Variants in ASIC2 observed in about 807,000 individuals in gnomAD.
The protein encoded by ASIC2 is acid-sensing ion channel 2.
ASIC2 carries 25 observed loss-of-function variants against 57.3 expected under a neutral mutation model. The observed-to-expected ratio is 0.44, with a 90% CI of 0.32 to 0.61. The LOEUF is 0.61. Ranked by LOEUF, ASIC2 falls within the 20% of genes least tolerant of loss-of-function variation. The pLI is 0.06. For missense variants in ASIC2, 641 were observed against 738.1 expected, an observed-to-expected ratio of 0.87 and a Z score of 1.52; for synonymous variants, 319 against 307.5, an observed-to-expected ratio of 1.04 and a Z score of -0.39.
At chr17:33,562,606 G>A (rs1420484265) in intron 1 of ASIC2, among the ~76,000 whole-genome samples, 1 of 152,206 alleles carries the variant, frequency 6.6e-6, no homozygotes, top group Admixed American at 6.5e-5. Context: ...AGTCTTGCCT[G>A]ATAAGGGAAG....
chr17:33,612,038 A>G (rs1439530919), intron 1 of ASIC2, among the ~76,000 whole-genome samples: 2 of 152,196 alleles, frequency 1.3e-5, no homozygotes, highest in Non-Finnish European at 2.9e-5. Flanking sequence ...CCACGTCTGA[A>G]GGAAGAAGAC....
At chr17:33,657,519 G>A (rs1432851652) in intron 1 of ASIC2, among the ~76,000 whole-genome samples, 2 of 152,128 alleles carry the variant, frequency 1.3e-5, no homozygotes, top group African/African-American at 4.8e-5. Context: ...TCCTGAGCCA[G>A]CTTCTTCCTC....
chr17:33,584,872 G>A (rs1307471881), intron 1 of ASIC2, among the ~76,000 whole-genome samples: 2 of 152,108 alleles, frequency 1.3e-5, no homozygotes, highest in Non-Finnish European at 2.9e-5. Context: ...GAGAGACACC[G>A]ATGGCCTAAA....
intron 1 of ASIC2, among the ~76,000 whole-genome samples, chr17:33,663,448 CG>C (rs979305983): frequency 1.6e-4 from 22 of 137,176 alleles, no homozygotes; most frequent in African/African-American, 6.9e-4. Context: ...CTAATGCCGT[CG>C]TTTTTTTTTT....
chr17:33,439,041 G>A (rs1457443637), intron 1 of ASIC2, among the ~76,000 whole-genome samples: 2 of 152,106 alleles, frequency 1.3e-5, no homozygotes, highest in Admixed American at 6.5e-5. Context: ...AAGAGGTCTC[G>A]CTATGTTGCC....
chr17:33,069,500 C>T (rs1372257175), intron 3 of ASIC2, among the ~76,000 whole-genome samples: 1 of 151,916 alleles, frequency 6.6e-6, no homozygotes, highest in Non-Finnish European at 1.5e-5. Flanking sequence ...TTTTTGCTTT[C>T]TGTATTTTGA....
At chr17:34,045,582 C>T (rs1024972859) in intron 1 of ASIC2, among the ~76,000 whole-genome samples, 1 of 152,178 alleles carries the variant, frequency 6.6e-6, no homozygotes, top group African/African-American at 2.4e-5. Flanking sequence ...GTCTATATGA[C>T]TTTCGGCAAG....
chr17:33,107,524 T>G (rs188895972), intron 2 of ASIC2, among the ~76,000 whole-genome samples: 273 of 152,320 alleles, frequency 1.8e-3, no homozygotes, highest in Non-Finnish European at 3.4e-3. Context: ...TAGGACCACA[T>G]GCAACTGAAC....
intron 1 of ASIC2, among the ~76,000 whole-genome samples, chr17:33,142,350 G>A (rs1459122059): frequency 6.6e-6 from 1 of 152,208 alleles, no homozygotes; most frequent in Non-Finnish European, 1.5e-5. Flanking sequence ...TGTGATAAAA[G>A]AGGTAGTAGA....
At chr17:33,399,296 C>A (rs1910195126) in intron 1 of ASIC2, among the ~76,000 whole-genome samples, 1 of 152,214 alleles carries the variant, frequency 6.6e-6, no homozygotes, top group South Asian at 2.1e-4. Flanking sequence ...AACAAAGGAT[C>A]TCTGACAACC....
chr17:33,285,257 A>G (rs1023352279), intron 1 of ASIC2, among the ~76,000 whole-genome samples: 1 of 152,210 alleles, frequency 6.6e-6, no homozygotes, highest in African/African-American at 2.4e-5. Context: ...TGCAGACCTG[A>G]GTGGAGTTTA....
intron 1 of ASIC2, among the ~76,000 whole-genome samples, chr17:33,906,525 T>C (rs999532105): frequency 1.3e-5 from 2 of 152,202 alleles, no homozygotes; most frequent in African/African-American, 4.8e-5. Context: ...CCTTCACTTA[T>C]GAGAAACCAG....
At chr17:33,996,076 T>C (rs1488088932) in intron 1 of ASIC2, among the ~76,000 whole-genome samples, 2 of 152,198 alleles carry the variant, frequency 1.3e-5, no homozygotes, top group Admixed American at 6.5e-5. Context: ...TTGTGGTTTT[T>C]ATTTGCATTT....
intron 1 of ASIC2, among the ~76,000 whole-genome samples, chr17:33,219,783 G>A (rs1304564156): frequency 6.6e-6 from 1 of 152,182 alleles, no homozygotes; most frequent in African/African-American, 2.4e-5. Flanking sequence ...AGGGCCCTGG[G>A]TTGTCTATGT....
chr17:33,593,537 G>C lies in ASIC2; in HGVS notation c.556-481470C>G, dbSNP rs1567663614. 2.0e-5 allele frequency among the ~76,000 whole-genome samples: 3 copies of C among 152,206 alleles called. No homozygotes were observed. In the South Asian group the frequency reaches 6.2e-4, roughly 31 times the overall value. The stretch of plus-strand genomic sequence containing the variant: ...CTAGAAAGCTCAGGTTGCAATCTCA[G>C]CTTTGCCTCTTGGTCAGGTTTTCTC... On this transcript the variant is annotated intron_variant, in intron 1 of 9. Coordinates refer to the ASIC2 transcript ENST00000359872.
chr17:33,659,111 C>G (rs1410229994), intron 1 of ASIC2, among the ~76,000 whole-genome samples: 2 of 152,244 alleles, frequency 1.3e-5, no homozygotes, highest in South Asian at 4.1e-4. Context: ...ACTCAGACCA[C>G]AGCAGCACGC....
intron 1 of ASIC2, among the ~76,000 whole-genome samples, chr17:33,261,335 T>A (rs755364035): frequency 5.3e-5 from 8 of 152,162 alleles, no homozygotes; most frequent in Non-Finnish European, 1.2e-4. Flanking sequence ...CCTCCTGTTG[T>A]TTGTGGATTA....
At chr17:33,988,628 A>G (rs887643216) in intron 1 of ASIC2, among the ~76,000 whole-genome samples, 1 of 151,240 alleles carries the variant, frequency 6.6e-6, no homozygotes, top group Non-Finnish European at 1.5e-5. Context: ...CCTCTTTACC[A>G]TTTCTGCTTG....
intron 1 of ASIC2, among the ~76,000 whole-genome samples, chr17:33,175,429 A>T (rs1218235519): frequency 1.3e-5 from 2 of 152,060 alleles, no homozygotes; most frequent in African/African-American, 4.8e-5. Context: ...CTTTATTTTT[A>T]AAAGCTCTTC....
Sources: gnomAD v4.1 joint callset for allele counts (sites outside exome capture counted in the v4.1 genomes callset) on GRCh38, gnomAD v4.1.1 for gene constraint, MANE v1.5 for transcripts, NCBI Gene and HGNC (gene_info 2026-07-23, HGNC 2026-07-21) for gene names.